The following ARIH1 variants were observed in gnomAD, a reference collection of about 807,000 sequenced individuals.
ARIH1 encodes ariadne RBR E3 ubiquitin protein ligase 1.
Under a neutral mutation model 85.0 loss-of-function variants are expected in ARIH1, and 8 were observed. The ratio of observed to expected loss-of-function variants is 0.09; its 90% confidence interval spans 0.06 to 0.17. The LOEUF is 0.17. Ranked by LOEUF, ARIH1 falls within the 10% of genes least tolerant of loss-of-function variation. The pLI is 1.00. For missense variants in ARIH1, 311 were observed against 718.1 expected (o/e 0.43, Z 6.48); for synonymous variants, 238 against 253.6 (o/e 0.94, Z 0.59).
At chr15:72,524,514 A>G (rs1298164886) in intron 2 of ARIH1, among the ~76,000 whole-genome samples, 1 of 152,206 alleles carries the variant, frequency 6.6e-6, no homozygotes, top group African/African-American at 2.4e-5. Flanking sequence ...AAGCTGGTCC[A>G]CTTTTACATA....
chr15:72,553,560 C>G (rs2064161788), intron 3 of ARIH1, among the ~76,000 whole-genome samples: 2 of 152,056 alleles, frequency 1.3e-5, no homozygotes, highest in African/African-American at 4.8e-5. Context: ...TCCCCCAGCC[C>G]CTAGGCAACT....
At chr15:72,538,554 A>G (rs1012620555) in intron 2 of ARIH1, among the ~76,000 whole-genome samples, 1 of 152,224 alleles carries the variant, frequency 6.6e-6, no homozygotes, top group Non-Finnish European at 1.5e-5. Flanking sequence ...CAGTGATGCC[A>G]CAGTCACTCA....
rs76658768 is a variant in ARIH1 at position 72,548,624 on chromosome 15, A to T, written c.588+3660A>T. Among the ~76,000 whole-genome samples, 1,500 of 152,316 alleles carry T rather than the reference A, an allele frequency of 9.8e-3. 30 individuals carry two copies. The highest frequency in any genetic ancestry group is 0.034 in the African/African-American group (1,400 of 41,562). ...CGAAAAGTATCATGACAAAACTAGG[A>T]TGTCCTTTCCTCATAATTTTTAGAC... is the stretch of plus-strand genomic sequence containing the variant. On this transcript the variant is annotated intron_variant, in intron 3 of 13. Transcript: ENST00000379887.
chr15:72,581,071 T>A, intron 12 of ARIH1, 80 bp downstream of exon 12: 2 of 1,444,018 alleles, frequency 1.4e-6, no homozygotes, highest in Non-Finnish European at 1.9e-6. Flanking sequence ...GATACAGAGT[T>A]TTCAGGGTTC....
intron 1 of ARIH1, among the ~76,000 whole-genome samples, chr15:72,495,964 G>A (rs2063878294): frequency 6.6e-6 from 1 of 152,128 alleles, no homozygotes; most frequent in African/African-American, 2.4e-5. Context: ...AAGCTGGAGT[G>A]CAGTGGTGTA....
intron 11 of ARIH1, among the ~76,000 whole-genome samples, chr15:72,578,410 A>G (rs1209399648): frequency 6.6e-6 from 1 of 152,106 alleles, no homozygotes; most frequent in Non-Finnish European, 1.5e-5. Flanking sequence ...TACCGTGTGC[A>G]TCTTTACGTT....
At position 72,506,362 on chromosome 15, in the gene ARIH1, A is replaced by AAAAAAAAAAAAG. The variant is rs2063925474; in HGVS notation, c.376-11702_376-11701insAAAAAAAAGAAA. 4.0e-5 allele frequency among the ~76,000 whole-genome samples: 6 copies of AAAAAAAAAAAAG among 148,952 alleles called. No individual in the cohort carries two copies. The South Asian group carries it at 8.4e-4, about 21-fold the overall frequency. On this transcript the variant is annotated intron_variant, in intron 1 of 13. Coordinates refer to ENST00000379887, the MANE Select transcript of ARIH1 (RefSeq NM_005744.5). ...AAGACTCCGTCTCACAAAAAAAAAA[A>AAAAAAAAAAAAG]AAAGAAAAAAAAAAAGAACTTAGTC... is the stretch of plus-strand genomic sequence containing the variant.
chr15:72,579,472 AT>A (rs1053307912), intron 11 of ARIH1, among the ~76,000 whole-genome samples: 1 of 152,228 alleles, frequency 6.6e-6, no homozygotes, highest in African/African-American at 2.4e-5. Flanking sequence ...CTACTTAAAA[AT>A]ATCTCTGCTT....
At chr15:72,489,870 C>T (rs1000100651) in intron 1 of ARIH1, among the ~76,000 whole-genome samples, 1 of 152,192 alleles carries the variant, frequency 6.6e-6, no homozygotes, top group South Asian at 2.1e-4. Flanking sequence ...TTACGGAAAG[C>T]TTTGCCCTCC....
At chr15:72,581,184 C>T (rs1358641915) in intron 12 of ARIH1, among the ~76,000 whole-genome samples, 193 bp downstream of exon 12, 1 of 152,100 alleles carries the variant, frequency 6.6e-6, no homozygotes, top group Non-Finnish European at 1.5e-5. Context: ...GTGGTTTAGC[C>T]AGCTAGTGAT....
Position 72,475,005 on chromosome 15 carries a change from G to T in ARIH1, c.366G>T (p.Glu122Asp). ...HMVECIREVNEVIQNPATITR... is the reference protein window; with the variant it reads ...HMVECIREVNDVIQNPATITR... Reference sequence around the variant, plus strand: ...TGGAATGTATCCGGGAGGTCAACGAGGTCATCCAGGTGAGGGTGGCCGCCG... The same window carrying T: ...TGGAATGTATCCGGGAGGTCAACGATGTCATCCAGGTGAGGGTGGCCGCCG... The change falls in exon 1 of 14, where the codon GAG (glutamate) becomes GAT (aspartate). Residue 122 changes from glutamate to aspartate, a missense_variant. Glu to Asp is a conservative substitution (Grantham distance 45). This residue lies in a region of ARIH1 where 157 missense variants were observed against 185.1 expected (regional missense o/e 0.85). Transcript: ENST00000379887. 1 of 1,555,748 alleles carries T rather than the reference G, an allele frequency of 6.4e-7. No individual in the cohort carries two copies. Among genetic ancestry groups the T allele is most frequent in the East Asian group, 2.4e-5 (1 of 41,940 alleles).
At chr15:72,571,175 A>G (rs2064244497) in intron 10 of ARIH1, among the ~76,000 whole-genome samples, 1 of 151,032 alleles carries the variant, frequency 6.6e-6, no homozygotes. Flanking sequence ...TACACAGCAT[A>G]TGAAGCAGTT....
chr15:72,486,665 C>CTT (rs58018323), intron 1 of ARIH1, among the ~76,000 whole-genome samples: 1 of 88,448 alleles, frequency 1.1e-5, no homozygotes. Flanking sequence ...CAGAGCCCTA[C>CTT]TTTTTTTTTT....
Position 72,533,815 on chromosome 15 carries a change from G to A in ARIH1, c.444-11005G>A, listed in dbSNP as rs923351126. 3.9e-5 allele frequency among the ~76,000 whole-genome samples: 6 copies of A among 152,210 alleles called. No individual in the cohort carries two copies. In the East Asian group the frequency reaches 5.8e-4, roughly 15 times the overall value. On this transcript the variant is annotated intron_variant, in intron 2 of 13. Transcript: ENST00000379887. ...CCAGCTACTCAGGAGGCTGAGGTGG[G>A]AGGATTGCTGGAGCCTAGGAGGTCA...
intron 1 of ARIH1, among the ~76,000 whole-genome samples, chr15:72,490,944 C>T (rs547032798): frequency 2.0e-5 from 3 of 152,014 alleles, no homozygotes; most frequent in Admixed American, 6.6e-5. Context: ...GGTGAAACCC[C>T]GTGTCTACTA....
chr15:72,529,270 T>G (rs930812892), intron 2 of ARIH1, among the ~76,000 whole-genome samples: 3 of 152,174 alleles, frequency 2.0e-5, no homozygotes, highest in Admixed American at 6.5e-5. Context: ...GCTCCCCCTA[T>G]CTCACTATCT....
intron 1 of ARIH1, chr15:72,496,652 T>C (rs1183981451): frequency 5.1e-6 from 1 of 196,602 alleles, no homozygotes; most frequent in East Asian, 1.9e-4. Flanking sequence ...TCAGGTATTT[T>C]ACTATGGAAT....
chr15:72,599,707 A>G lies in ARIH1; in HGVS notation c.*16415A>G, dbSNP rs2064375489. 6.6e-6 allele frequency: 1 copy of G among 152,158 alleles called. No individual in the cohort carries two copies. Among genetic ancestry groups the G allele is most frequent in the Non-Finnish European group, 1.5e-5 (1 of 68,036 alleles). 9.4% of individuals were successfully genotyped at this position (152,158 alleles called of 1,614,324 possible). A position where few individuals can be genotyped will look rare whatever the true frequency, so the allele number is the denominator to read the frequency against. ...TACACTTTATTTGTTTTATGTAACT[A>G]TTTTAACAACCTGAGGACTTTTACA... On this transcript the variant is annotated 3_prime_UTR_variant, in exon 14 of 14. Transcript: ENST00000379887.
chr15:72,563,983 T>A (rs2064208257), intron 7 of ARIH1, among the ~76,000 whole-genome samples: 1 of 152,202 alleles, frequency 6.6e-6, no homozygotes. Flanking sequence ...AGCCTCTGAA[T>A]TCTAGATTTG....
Sources: gnomAD v4.1 joint callset for allele counts (sites outside exome capture counted in the v4.1 genomes callset) on GRCh38, gnomAD v4.1.1 for gene constraint, gnomAD v4.1.1 regional missense constraint, MANE v1.5 for transcripts, NCBI Gene and HGNC (gene_info 2026-07-23, HGNC 2026-07-21) for gene names.